The following ADCY9 variants were observed in gnomAD, a reference collection of about 807,000 sequenced individuals.
The protein encoded by ADCY9 is adenylate cyclase 9, also known as adenylate cyclase type 9.
ADCY9 carries 50 observed loss-of-function variants against 101.5 expected under a neutral mutation model. That is an observed-to-expected ratio of 0.49 (90% CI 0.39 to 0.62). The LOEUF (loss-of-function observed/expected upper bound fraction) is 0.62. ADCY9 is among the 20% of genes least tolerant of loss of function. ADCY9 has a pLI of 0.00. For synonymous variants in ADCY9, 905 were observed against 769.3 expected (o/e 1.18, Z -2.92); for missense variants, 1,662 against 1,800.4 (o/e 0.92, Z 1.39).
intron 2 of ADCY9, among the ~76,000 whole-genome samples, chr16:4,057,761 C>T (rs931850269): frequency 3.3e-5 from 5 of 152,102 alleles, no homozygotes; most frequent in African/African-American, 1.2e-4. Flanking sequence ...GCATTTACGG[C>T]GTGTTCTCGA....
intron 2 of ADCY9, among the ~76,000 whole-genome samples, chr16:4,090,537 C>T (rs1199226766): frequency 1.3e-5 from 2 of 152,106 alleles, no homozygotes; most frequent in African/African-American, 2.4e-5. Context: ...CCGTGGAAAC[C>T]GTCCCACCTC....
chr16:4,100,408 C>A (rs752280356), intron 2 of ADCY9, among the ~76,000 whole-genome samples: 3 of 152,116 alleles, frequency 2.0e-5, no homozygotes, highest in Non-Finnish European at 2.9e-5. Flanking sequence ...GGGCTCACTG[C>A]AACCTCCACC....
At position 3,983,260 on chromosome 16, in the gene ADCY9, C is replaced by A. The variant is rs922314244; in HGVS notation, c.2491G>T (p.Glu831Ter). The A allele has an allele frequency of 3.2e-6, 5 of 1,552,454 alleles. No individual in the cohort carries two copies. Among genetic ancestry groups the A allele is most frequent in the Non-Finnish European group, 4.4e-6 (5 of 1,147,750 alleles). ...LAVFSAALLL[E>*]VLSLAVSIRM... ...ATGGACACCGCGAGGGACAGCACCT[C>A]CAGCAGCAGGGCTGCACTGAAGACC... The change falls in exon 7 of 11, where the codon GAG becomes TAG. Residue 831 changes from glutamate to a stop codon, truncating the protein, a stop_gained. Coordinates refer to ENST00000294016, the MANE Select transcript of ADCY9 (RefSeq NM_001116.4). LOFTEE classifies it high-confidence loss of function.
In ADCY9 at chr16:4,014,898, T is replaced by C. The variant is rs192599237; in HGVS notation, c.1694-7340A>G. On this transcript the variant is annotated intron_variant, in intron 2 of 10. Coordinates refer to ENST00000294016, the MANE Select transcript of ADCY9 (RefSeq NM_001116.4). ...AGCTGCCATCACAGCCAAATGGGAA[T>C]GACAGGCATCCCCTGAGTGACCACA... Among the ~76,000 whole-genome samples the C allele has an allele frequency of 1.3e-3, 197 of 149,882 alleles. 1 individual carries two copies. Among genetic ancestry groups the C allele is most frequent in the African/African-American group, 4.8e-3 (195 of 40,750 alleles).
chr16:4,074,082 T>A (rs1457689461), intron 2 of ADCY9, among the ~76,000 whole-genome samples: 4 of 152,108 alleles, frequency 2.6e-5, no homozygotes, highest in African/African-American at 7.2e-5. Context: ...AACATTTCCA[T>A]CATTGCAGGA....
intron 2 of ADCY9, among the ~76,000 whole-genome samples, chr16:4,086,010 A>G (rs2056935754): frequency 6.6e-6 from 1 of 151,914 alleles, no homozygotes; most frequent in East Asian, 1.9e-4. Flanking sequence ...AAAAATGAGA[A>G]AGACTCCGCT....
chr16:3,966,317 C>A lies in ADCY9; in HGVS notation c.3520G>T (p.Ala1174Ser). 1 of 1,614,088 alleles carries A rather than the reference C, an allele frequency of 6.2e-7. No individual in the cohort carries two copies. Among genetic ancestry groups the A allele is most frequent in the Non-Finnish European group, 8.5e-7 (1 of 1,180,042 alleles). The change falls in exon 11 of 11, where the codon GCC becomes TCC. Residue 1174 changes from alanine (A) to serine (S), a missense_variant. Coordinates refer to ENST00000294016, the MANE Select transcript of ADCY9 (RefSeq NM_001116.4). ...AGCTTGGTGGTGCCGATGACCCCGG[C>A]CGTGAGGGGCCCATGGTTGAAGCCG... The part of the protein sequence containing the change: ...RVGFNHGPLT[A>S]GVIGTTKLLY...
chr16:4,010,826 C>G (rs928539147), intron 2 of ADCY9, among the ~76,000 whole-genome samples: 1 of 152,090 alleles, frequency 6.6e-6, no homozygotes, highest in Non-Finnish European at 1.5e-5. Flanking sequence ...TAAGAGGTGA[C>G]GAGGCCAGGA....
At chr16:4,034,912 ACACT>A (rs2056579579) in intron 2 of ADCY9, among the ~76,000 whole-genome samples, 1 of 152,200 alleles carries the variant, frequency 6.6e-6, no homozygotes, top group African/African-American at 2.4e-5. Context: ...GAAGGAGAAG[ACACT>A]CACCGCATAC....
Position 3,963,533 on chromosome 16 carries a change from G to C in ADCY9, c.*2242C>G, listed in dbSNP as rs1198981494. ...ACAACGTTAAGCTCTGGGTGAGTCT[G>C]CACGGGGCTGAACCAGACTCCACTT... On this transcript the variant is annotated 3_prime_UTR_variant, in exon 11 of 11. Transcript: ENST00000294016. 1 of 384,228 alleles carries C rather than the reference G, an allele frequency of 2.6e-6. No homozygotes were observed. Among genetic ancestry groups the C allele is most frequent in the Non-Finnish European group, 4.6e-6 (1 of 217,386 alleles). 23.8% of individuals were successfully genotyped at this position (384,228 alleles called of 1,614,324 possible).
intron 2 of ADCY9, among the ~76,000 whole-genome samples, chr16:4,014,639 G>C (rs1386983803): frequency 6.6e-6 from 1 of 151,816 alleles, no homozygotes; most frequent in Non-Finnish European, 1.5e-5. Flanking sequence ...GCAGAGAGGG[G>C]GTTTTGCCAT....
chr16:4,008,011 T>C (rs1259066645), intron 2 of ADCY9, among the ~76,000 whole-genome samples: 3 of 151,984 alleles, frequency 2.0e-5, no homozygotes, highest in Non-Finnish European at 4.4e-5. Flanking sequence ...CCATCTTACC[T>C]GTGTCAGAGG....
At chr16:4,050,037 A>G (rs541181592) in intron 2 of ADCY9, among the ~76,000 whole-genome samples, 2 of 152,190 alleles carry the variant, frequency 1.3e-5, no homozygotes, top group African/African-American at 4.8e-5. Context: ...TCTCAAAAAA[A>G]AAAAAAGAAC....
rs1597125722 is a variant in ADCY9 at position 3,956,513 on chromosome 16, T to A, written c.568-2997A>T. 2.8e-5 allele frequency among the ~76,000 whole-genome samples: 4 copies of A among 144,136 alleles called. No individual in the cohort carries two copies. The Middle Eastern group carries it at 0.015, about 526-fold the overall frequency. 94.6% of individuals were successfully genotyped at this position (144,136 alleles called of 152,430 possible). A position where few individuals can be genotyped will look rare whatever the true frequency, so the allele number is the denominator to read the frequency against. ...CTTTTTTTTTTTTTTTGGGGGGGGA[T>A]GGAGTCTCCCTCTGTCTCCCAGGCT... On this transcript the variant is annotated intron_variant, in intron 5 of 5. Transcript: ENST00000576936.
chr16:4,018,537 T>G (rs903634684), intron 2 of ADCY9, among the ~76,000 whole-genome samples: 11 of 152,238 alleles, frequency 7.2e-5, no homozygotes, highest in African/African-American at 2.6e-4. Flanking sequence ...GTGACTAACC[T>G]TCCGCGGGAG....
chr16:4,039,706 G>A (rs970813803), intron 2 of ADCY9, among the ~76,000 whole-genome samples: 3 of 147,190 alleles, frequency 2.0e-5, no homozygotes, highest in Admixed American at 6.8e-5. Context: ...AAAAAAGCAG[G>A]ATTGCACCCT....
At chr16:4,053,881 T>C (rs74005709) in intron 2 of ADCY9, among the ~76,000 whole-genome samples, 2,029 of 152,160 alleles carry the variant, frequency 0.013, 33 homozygotes, top group African/African-American at 0.046. Flanking sequence ...GGATAGGGCA[T>C]TACCCAGAGG....
intron 2 of ADCY9, among the ~76,000 whole-genome samples, chr16:4,061,836 C>T (rs2056775316): frequency 6.6e-6 from 1 of 152,132 alleles, no homozygotes; most frequent in South Asian, 2.1e-4. Context: ...TAAATAGTCT[C>T]TTTTTTACAC....
intron 2 of ADCY9, among the ~76,000 whole-genome samples, chr16:4,097,665 G>A (rs1202811730): frequency 1.4e-5 from 2 of 148,014 alleles, no homozygotes; most frequent in African/African-American, 5.0e-5. Context: ...TCCTGCCTCA[G>A]CTTCCCGAGT....
Sources: allele counts gnomAD v4.1 joint callset (sites outside exome capture counted in the v4.1 genomes callset), GRCh38; gene constraint gnomAD v4.1.1; transcripts MANE v1.5; gene names NCBI Gene and HGNC (gene_info 2026-07-23, HGNC 2026-07-21).